AOAH: variants seen among roughly 807,000 people sequenced by gnomAD.
The protein encoded by AOAH is acyloxyacyl hydrolase (neutrophil).
In AOAH, 64 loss-of-function variants were observed where a neutral mutation model predicts 92.2. That is an observed-to-expected ratio of 0.69 (90% CI 0.57 to 0.86). The LOEUF (loss-of-function observed/expected upper bound fraction) is 0.86, where lower values mean the gene tolerates loss of function less well. AOAH is among the 40% of genes least tolerant of loss of function. The pLI, the probability that AOAH is intolerant of heterozygous loss-of-function variation, is 0.00. For missense variants in AOAH, 656 were observed against 694.6 expected (o/e 0.94, Z 0.62); for synonymous variants, 263 against 254.5 (o/e 1.03, Z -0.32).
At chr7:36,654,420 G>C (rs897409100) in intron 4 of AOAH, among the ~76,000 whole-genome samples, 6 of 152,154 alleles carry the variant, frequency 3.9e-5, no homozygotes, top group Non-Finnish European at 8.8e-5. Context: ...GATAGTGGTA[G>C]GGAGACACGT....
intron 11 of AOAH, among the ~76,000 whole-genome samples, chr7:36,598,912 C>A (rs538226077): frequency 1.1e-4 from 17 of 152,276 alleles, no homozygotes; most frequent in African/African-American, 4.1e-4. Context: ...CTGCTTATTC[C>A]TCTTGAGCAT....
At chr7:36,656,195 T>C (rs4723553) in intron 4 of AOAH, among the ~76,000 whole-genome samples, 103,350 of 152,054 alleles carry the variant, frequency 0.68, 36,321 homozygotes, top group African/African-American at 0.87. Context: ...CAAAAGATGA[T>C]TGGGGGAATT....
At chr7:36,658,097 G>C (rs1478788705) in intron 4 of AOAH, among the ~76,000 whole-genome samples, 1 of 152,014 alleles carries the variant, frequency 6.6e-6, no homozygotes, top group Admixed American at 6.6e-5. Flanking sequence ...GGTACCAGTG[G>C]AGCCTGCAGC....
intron 4 of AOAH, among the ~76,000 whole-genome samples, chr7:36,650,345 A>C (rs1275316705): frequency 2.6e-5 from 4 of 152,216 alleles, no homozygotes. Context: ...AGCTGAGGTT[A>C]AGTTGATAAA....
intron 1 of AOAH, among the ~76,000 whole-genome samples, chr7:36,705,617 G>A (rs1174547378): frequency 6.6e-6 from 1 of 152,006 alleles, no homozygotes; most frequent in Non-Finnish European, 1.5e-5. Flanking sequence ...TTTCTTCACA[G>A]AATTAGAAAA....
chr7:36,610,891 C>T (rs1300818170), intron 11 of AOAH, among the ~76,000 whole-genome samples: 1 of 152,174 alleles, frequency 6.6e-6, no homozygotes, highest in Non-Finnish European at 1.5e-5. Flanking sequence ...ACATGGCACA[C>T]ACCTGGGCCC....
In AOAH at chr7:36,540,446, G is replaced by A. The variant is rs917686546; in HGVS notation, c.1179C>T (p.Tyr393=). 3.7e-6 allele frequency: 6 copies of A among 1,613,922 alleles called. No individual in the cohort carries two copies. Among genetic ancestry groups the A allele is most frequent in the Non-Finnish European group, 4.2e-6 (5 of 1,179,946 alleles). Residue 393 remains tyrosine (Y), a synonymous_variant, in exon 16 of 21, where the codon TAC becomes TAT. Transcript: ENST00000617537. ...VPAMTTPEKL[Y]SNVMQTLKHL... ...GCTTCAGAGTCTGCATGACGTTGGA[G>A]TAGAGTTTCTCAGGAGTGGTCATGG...
At chr7:36,569,985 T>G (rs1788023094) in intron 13 of AOAH, among the ~76,000 whole-genome samples, 2 of 152,198 alleles carry the variant, frequency 1.3e-5, no homozygotes, top group South Asian at 4.1e-4. Flanking sequence ...TTTTTGTCTT[T>G]TATCTATTTT....
chr7:36,572,545 G>C (rs1379624099), intron 13 of AOAH, among the ~76,000 whole-genome samples: 2 of 151,446 alleles, frequency 1.3e-5, no homozygotes, highest in African/African-American at 2.4e-5. Context: ...AAAAAGGAAA[G>C]AAAAGAAAGA....
intron 18 of AOAH, among the ~76,000 whole-genome samples, chr7:36,531,829 C>A (rs1266895103): frequency 7.3e-6 from 1 of 137,404 alleles, no homozygotes; most frequent in African/African-American, 2.8e-5. Flanking sequence ...TGCTTAGGAC[C>A]AGCTTTAAGA....
At chr7:36,671,601 G>A (rs1318860769) in intron 3 of AOAH, among the ~76,000 whole-genome samples, 1 of 133,572 alleles carries the variant, frequency 7.5e-6, no homozygotes, top group Non-Finnish European at 1.5e-5. Context: ...GCTCATGCGT[G>A]TGTGTGTATG....
chr7:36,521,917 C>G, intron 20 of AOAH, 122 bp downstream of exon 20: 1 of 801,584 alleles, frequency 1.2e-6, no homozygotes, highest in Non-Finnish European at 2.1e-6. Context: ...CATGTATGTA[C>G]ACTACCTCAA....
chr7:36,566,879 C>T lies in AOAH; in HGVS notation c.1021+9695G>A, dbSNP rs574114510. Among the ~76,000 whole-genome samples the T allele has an allele frequency of 5.3e-5, 8 of 152,272 alleles. No individual in the cohort carries two copies. In the South Asian group the frequency reaches 1.0e-3, roughly 20 times the overall value. ...CCACTGTGCATACGTGCAGTGATCT[C>T]GGCTCACTGCAACTTCTGCCTCCCG... On this transcript the variant is annotated intron_variant, in intron 13 of 20. Transcript: ENST00000617537.
chr7:36,530,656 C>T, intron 18 of AOAH, 142 bp from the exon 19 acceptor site: 1 of 589,160 alleles, frequency 1.7e-6, no homozygotes, highest in East Asian at 2.8e-5. Context: ...AGCAGCTCTG[C>T]ACATTAAATT....
rs113343540 is a variant in AOAH, at chr7:36,694,218, C to A, written c.128-7424G>T. ...TGTGAAAGCCTAATGCACTCAGGGCCAGGTGTGGTGGCTCACGACTGTAAT... is the reference window on the plus strand; with the variant it reads ...TGTGAAAGCCTAATGCACTCAGGGCAAGGTGTGGTGGCTCACGACTGTAAT... On this transcript the variant is annotated intron_variant, in intron 1 of 20. Transcript: ENST00000617537. Among the ~76,000 whole-genome samples, 462 of 152,278 alleles carry A rather than the reference C, an allele frequency of 3.0e-3. 1 individual carries two copies. Among genetic ancestry groups the A allele is most frequent in the African/African-American group, 0.011 (443 of 41,544 alleles).
At chr7:36,641,880 T>C (rs1165023901) in intron 4 of AOAH, among the ~76,000 whole-genome samples, 3 of 152,144 alleles carry the variant, frequency 2.0e-5, no homozygotes, top group African/African-American at 7.2e-5. Flanking sequence ...CCTTTCCCAG[T>C]CTCTGTTTAG....
At chr7:36,532,088 C>T (rs1275935805) in intron 18 of AOAH, 59 bp downstream of exon 18, 1 of 1,591,938 alleles carries the variant, frequency 6.3e-7, no homozygotes, top group Non-Finnish European at 8.6e-7. Context: ...GAAAACTCTG[C>T]AGCAAACACA....
intron 20 of AOAH, among the ~76,000 whole-genome samples, chr7:36,518,849 G>C (rs1190203834): frequency 6.6e-6 from 1 of 152,046 alleles, no homozygotes; most frequent in Non-Finnish European, 1.5e-5. Flanking sequence ...AATCATGCTG[G>C]GCCATCCTTA....
At chr7:36,692,009 C>T (rs1797430400) in intron 1 of AOAH, among the ~76,000 whole-genome samples, 1 of 152,202 alleles carries the variant, frequency 6.6e-6, no homozygotes, top group Admixed American at 6.5e-5. Context: ...CAGCTGAGCG[C>T]AGCTGCAGGA....
Sources: allele counts gnomAD v4.1 joint callset (sites outside exome capture counted in the v4.1 genomes callset), GRCh38; gene constraint gnomAD v4.1.1; transcripts MANE v1.5; gene names NCBI Gene and HGNC (gene_info 2026-07-23, HGNC 2026-07-21).